Variants in SPTAN1 observed in about 807,000 individuals in gnomAD.
The protein encoded by SPTAN1 is spectrin alpha, non-erythrocytic 1.
A neutral mutation model predicts 331.3 loss-of-function variants in SPTAN1; 61 were observed. The ratio of observed to expected loss-of-function variants is 0.18; its 90% CI spans 0.15 to 0.23. The LOEUF is 0.23. Among genes scored for constraint, SPTAN1 ranks in the 10% least tolerant of loss-of-function variants. The pLI, the probability that SPTAN1 is intolerant of heterozygous loss-of-function variation, is 1.00. For missense variants in SPTAN1, 2,043 were observed against 3,147.9 expected (o/e 0.65, Z 8.40); for synonymous variants, 1,153 against 1,173.9 (o/e 0.98, Z 0.36).
chr9:128,600,974 C>CTTTTTTTTT (rs60290370), intron 27 of SPTAN1, among the ~76,000 whole-genome samples: 9,199 of 40,748 alleles, frequency 0.23, 4,150 homozygotes, highest in Non-Finnish European at 0.31. Context: ...GGGAGAAAGT[C>CTTTTTTTTT]TTTTTTTTTT....
At position 128,617,971 on chromosome 9, in the gene SPTAN1, C is replaced by T; in HGVS notation, c.5479-16C>T. On this transcript the variant is annotated splice_polypyrimidine_tract_variant and intron_variant, in intron 42 of 56. Coordinates refer to ENST00000372739, the MANE Select transcript of SPTAN1 (RefSeq NM_001130438.3). ...AAGAGCTACCTGCTGTTAACCTCCT[C>T]GTCCTTGCCTGTCAGGGTGTCCTGG... is the stretch of plus-strand genomic sequence containing the variant. 7 of 1,614,168 alleles carry T rather than the reference C, an allele frequency of 4.3e-6. No individual in the cohort carries two copies. The highest frequency in any genetic ancestry group is 5.1e-6 in the Non-Finnish European group (6 of 1,180,026).
chr9:128,563,406 C>A (rs189564884), intron 1 of SPTAN1, among the ~76,000 whole-genome samples: 1 of 152,138 alleles, frequency 6.6e-6, no homozygotes, highest in Non-Finnish European at 1.5e-5. Flanking sequence ...CAGAGTGAGA[C>A]CCTGCCAAAA....
intron 3 of SPTAN1, among the ~76,000 whole-genome samples, chr9:128,571,475 G>A (rs1171854127): frequency 6.6e-6 from 1 of 152,046 alleles, no homozygotes; most frequent in Non-Finnish European, 1.5e-5. Context: ...ATCCCAGCTA[G>A]TTGGGAGGCT....
intron 2 of SPTAN1, among the ~76,000 whole-genome samples, chr9:128,567,888 G>A (rs1850221774): frequency 6.6e-6 from 1 of 151,860 alleles, no homozygotes; most frequent in South Asian, 2.1e-4. Context: ...AGCCTCCCGA[G>A]TAGCTGGGAA....
chr9:128,621,537 C>G, intron 45 of SPTAN1: 2 of 531,434 alleles, frequency 3.8e-6, no homozygotes, highest in South Asian at 2.0e-5. Context: ...GCAATACAGT[C>G]TCTTTATAGG....
In SPTAN1 at chr9:128,618,853, C is replaced by T. The variant is rs1167508143; in HGVS notation, c.5601-18C>T. The stretch of plus-strand genomic sequence containing the variant: ...GGAGGAGATTATGGCTGATTTTCTT[C>T]CTGTCTCCTGTAATTAGGGGTCAGC... On this transcript the variant is annotated intron_variant, in intron 43 of 56. Coordinates refer to ENST00000372739, the MANE Select transcript of SPTAN1 (RefSeq NM_001130438.3). 1 of 1,613,976 alleles carries T rather than the reference C, an allele frequency of 6.2e-7. No individual in the cohort carries two copies. The highest frequency in any genetic ancestry group is 8.5e-7 in the Non-Finnish European group (1 of 1,180,020).
chr9:128,633,268 C>A lies in SPTAN1; in HGVS notation c.7368C>A (p.Gly2456=), dbSNP rs1239376629. The A allele has an allele frequency of 6.2e-7, 1 of 1,613,952 alleles. No individual in the cohort carries two copies. The highest frequency in any genetic ancestry group is 8.5e-7 in the Non-Finnish European group (1 of 1,180,036). Residue 2456 remains glycine (G), a synonymous_variant, in exon 57 of 57, where the codon GGC becomes GGA. Transcript: ENST00000372739. ...CVSHMKPYVD[G]KGRELPTAFD... Reference sequence around the variant, plus strand: ...CCCACATGAAGCCCTACGTGGACGGCAAGGGCCGCGAGCTCCCCACCGCGT... The same window carrying A: ...CCCACATGAAGCCCTACGTGGACGGAAAGGGCCGCGAGCTCCCCACCGCGT...
chr9:128,612,330 A>G (rs780356981), intron 39 of SPTAN1, 84 bp downstream of exon 39: 370 of 1,572,666 alleles, frequency 2.4e-4, no homozygotes, highest in Admixed American at 3.0e-4. Context: ...CAAAACCACG[A>G]AAAGGCAGGG....
At chr9:128,630,444 C>T (rs897634979) in intron 52 of SPTAN1, 69 bp downstream of exon 52, 49 of 1,530,914 alleles carry the variant, frequency 3.2e-5, no homozygotes, top group Non-Finnish European at 4.3e-5. Context: ...TACCCCTTCC[C>T]TTCCTGGCTT....
At chr9:128,630,410 C>T (rs749366800) in intron 52 of SPTAN1, 35 bp downstream of exon 52, 1 of 1,609,838 alleles carries the variant, frequency 6.2e-7, no homozygotes, top group African/African-American at 1.3e-5. Context: ...CAGCAGAGAC[C>T]CTTCACCCAG....
intron 19 of SPTAN1, 37 bp downstream of exon 19, chr9:128,586,002 A>C: frequency 6.3e-7 from 1 of 1,592,280 alleles, no homozygotes; most frequent in Non-Finnish European, 8.6e-7. Context: ...CTGCCAGGGA[A>C]GTGGAACAGG....
chr9:128,591,615 A>T lies in SPTAN1; in HGVS notation c.3145A>T (p.Ile1049Phe). 6.2e-7 allele frequency: 1 copy of T among 1,614,060 alleles called. No homozygotes were observed. Among genetic ancestry groups the T allele is most frequent in the Non-Finnish European group, 8.5e-7 (1 of 1,179,988 alleles). ...QGSIALRQEQ[I>F]DNQTRITKEA... ...CAGCATAGCACTGCGGCAGGAGCAG[A>T]TTGACAATCAGTAAGGATGACACTG... is the stretch of plus-strand genomic sequence containing the variant. The change falls in exon 22 of 57, where the codon ATT becomes TTT. Residue 1049 changes from isoleucine to phenylalanine, a missense_variant. Around this residue, in one of 12 missense-constraint regions of SPTAN1, gnomAD observed 1,038 missense variants for 1,531.5 expected, o/e 0.68. Coordinates refer to ENST00000372739, the MANE Select transcript of SPTAN1 (RefSeq NM_001130438.3).
In SPTAN1 at chr9:128,608,141, G is replaced by C. The variant is rs760960101; in HGVS notation, c.4356G>C (p.Arg1452=). ...DQCLELQLFH[R]DCEQAENWMA... Reference sequence around the variant, plus strand: ...CTTGCCCTCTTTAGCTGTTCCATCGGGACTGTGAGCAAGCTGAGAACTGGA... The same window carrying C: ...CTTGCCCTCTTTAGCTGTTCCATCGCGACTGTGAGCAAGCTGAGAACTGGA... Residue 1452 remains arginine (R), a synonymous_variant, in exon 34 of 57, where the codon CGG becomes CGC. Transcript: ENST00000372739. 5 of 1,613,952 alleles carry C rather than the reference G, an allele frequency of 3.1e-6. No individual in the cohort carries two copies. Among genetic ancestry groups the C allele is most frequent in the Non-Finnish European group, 4.2e-6 (5 of 1,180,014 alleles).
At position 128,579,694 on chromosome 9, in the gene SPTAN1, C is replaced by T; in HGVS notation, c.1279C>T (p.Leu427=). ...ATCTGCAGATGAATCTGGACAGGCACTGCTTGCTGCTGGTCACTATGCCTC... is the reference window on the plus strand; with the variant it reads ...ATCTGCAGATGAATCTGGACAGGCATTGCTTGCTGCTGGTCACTATGCCTC... ...FKSADESGQA[L]LAAGHYASDE... Residue 427 remains leucine (L), a synonymous_variant, in exon 10 of 57, where the codon CTG becomes TTG. Transcript: ENST00000372739. 6.2e-7 allele frequency: 1 copy of T among 1,614,120 alleles called. No homozygotes were observed. Among genetic ancestry groups the T allele is most frequent in the Non-Finnish European group, 8.5e-7 (1 of 1,180,008 alleles).
At chr9:128,632,761 C>T (rs1859985874) in intron 55 of SPTAN1, 43 bp downstream of exon 55, 1 of 1,614,046 alleles carries the variant, frequency 6.2e-7, no homozygotes, top group Non-Finnish European at 8.5e-7. Context: ...CTGCCCGGGG[C>T]ACCCACCTGC....
In SPTAN1 at chr9:128,600,009, C is replaced by A. The variant is rs535774917; in HGVS notation, c.3544-71C>A. On this transcript the variant is annotated intron_variant, in intron 26 of 56. Transcript: ENST00000372739. ...TCCCCTGGGGGAAACTAGAGTCATT[C>A]GCTGGAAAGGCCAGGTGCTTTGTTT... 7.2e-6 allele frequency: 11 copies of A among 1,517,550 alleles called. No homozygotes were observed. In the Admixed American group the frequency reaches 1.5e-4, roughly 21 times the overall value. 94.0% of individuals were successfully genotyped at this position (1,517,550 alleles called of 1,614,324 possible).
chr9:128,612,317 G>T (rs1412849173), intron 39 of SPTAN1, 71 bp downstream of exon 39: 8 of 1,602,460 alleles, frequency 5.0e-6, no homozygotes, highest in Non-Finnish European at 6.8e-6. Flanking sequence ...GTCCATCAGT[G>T]CCCAAAACCA....
chr9:128,615,140 T>G (rs771404039), intron 40 of SPTAN1, among the ~76,000 whole-genome samples: 2 of 152,218 alleles, frequency 1.3e-5, no homozygotes, highest in African/African-American at 2.4e-5. Context: ...CTGTCAGTAT[T>G]CTTTGAAGTG....
intron 1 of SPTAN1, among the ~76,000 whole-genome samples, chr9:128,563,715 CTTTTTTT>C (rs532597370): frequency 3.0e-5 from 4 of 133,544 alleles, no homozygotes; most frequent in African/African-American, 1.1e-4. Context: ...TCAACCATTT[CTTTTTTT>C]TTTTTTTTTT....
Sources: gnomAD v4.1 joint callset for allele counts (sites outside exome capture counted in the v4.1 genomes callset) on GRCh38, gnomAD v4.1.1 for gene constraint, gnomAD v4.1.1 regional missense constraint, MANE v1.5 for transcripts, NCBI Gene and HGNC (gene_info 2026-07-23, HGNC 2026-07-21) for gene names.